Variants in CCSER1 observed in about 807,000 individuals in gnomAD.
CCSER1 encodes serine-rich coiled-coil domain-containing protein 1.
CCSER1 carries 41 observed loss-of-function variants against 82.0 expected under a neutral mutation model. The observed-to-expected ratio is 0.50, with a 90% CI of 0.39 to 0.65. The LOEUF (loss-of-function observed/expected upper bound fraction) is 0.65. CCSER1 is among the 30% of genes least tolerant of loss of function. The pLI is 0.00. For missense variants in CCSER1, 1,119 were observed against 1,064.2 expected (o/e 1.05, Z -0.72); for synonymous variants, 414 against 383.9 (o/e 1.08, Z -0.92).
At chr4:90,721,537 A>G (rs1179812984) in intron 6 of CCSER1, among the ~76,000 whole-genome samples, 2 of 151,892 alleles carry the variant, frequency 1.3e-5, no homozygotes, top group African/African-American at 4.8e-5. Flanking sequence ...ATTCTGACAG[A>G]ACATTTTATG....
chr4:90,651,785 C>T (rs1220172649), intron 6 of CCSER1, among the ~76,000 whole-genome samples: 2 of 152,052 alleles, frequency 1.3e-5, no homozygotes, highest in Non-Finnish European at 2.9e-5. Context: ...TGTCTCCTTC[C>T]AAGACAAGTT....
chr4:91,037,241 CACACACACACACACACATACAT>C (rs1051656094), intron 9 of CCSER1, among the ~76,000 whole-genome samples: 16 of 132,580 alleles, frequency 1.2e-4, no homozygotes, highest in African/African-American at 4.4e-4. Flanking sequence ...GTCACACACA[CACACACACACACACACATACAT>C]ACACACACAC....
chr4:91,476,635 C>T (rs563881701), intron 10 of CCSER1, among the ~76,000 whole-genome samples: 1 of 151,154 alleles, frequency 6.6e-6, no homozygotes, highest in Non-Finnish European at 1.5e-5. Context: ...CATCATATTA[C>T]CTGACTTCAA....
intron 10 of CCSER1, among the ~76,000 whole-genome samples, chr4:91,567,186 T>C (rs1762931950): frequency 6.6e-6 from 1 of 152,122 alleles, no homozygotes. Context: ...TGTAATCACA[T>C]GGTATTGAGC....
intron 10 of CCSER1, among the ~76,000 whole-genome samples, chr4:91,180,350 C>T (rs377281881): frequency 8.5e-5 from 13 of 152,188 alleles, no homozygotes; most frequent in East Asian, 3.9e-4. Flanking sequence ...CAGACAGGGA[C>T]GTTGAAGTCT....
At chr4:90,240,979 A>G (rs754219700) in intron 1 of CCSER1, among the ~76,000 whole-genome samples, 1 of 152,220 alleles carries the variant, frequency 6.6e-6, no homozygotes, top group African/African-American at 2.4e-5. Flanking sequence ...AAAGGAATTC[A>G]TGGTGTATCA....
chr4:90,295,260 A>T (rs1731652329), intron 1 of CCSER1, among the ~76,000 whole-genome samples: 1 of 151,960 alleles, frequency 6.6e-6, no homozygotes, highest in Non-Finnish European at 1.5e-5. Flanking sequence ...AATAATTTTA[A>T]TTTTTAAATG....
At chr4:91,310,176 CGT>C (rs1745369679) in intron 10 of CCSER1, among the ~76,000 whole-genome samples, 1 of 151,888 alleles carries the variant, frequency 6.6e-6, no homozygotes. Flanking sequence ...TGCCACATCC[CGT>C]GTTCTGCATT....
At chr4:91,104,070 G>T (rs1244963155) in intron 10 of CCSER1, among the ~76,000 whole-genome samples, 3 of 152,088 alleles carry the variant, frequency 2.0e-5, no homozygotes, top group Non-Finnish European at 4.4e-5. Context: ...CTGGTCTCCT[G>T]CAGTACCCTT....
At chr4:91,120,441 C>T (rs1176293356) in intron 10 of CCSER1, among the ~76,000 whole-genome samples, 1 of 151,872 alleles carries the variant, frequency 6.6e-6, no homozygotes, top group African/African-American at 2.4e-5. Context: ...GAGATTACTT[C>T]AGTATTACTT....
chr4:91,354,925 G>A lies in CCSER1; in HGVS notation c.2218-243647G>A, dbSNP rs191103948. On this transcript the variant is annotated intron_variant, in intron 10 of 10. Transcript: ENST00000509176. ...GTCTGAAATACTGGTTCTGGAGAGC[G>A]TATTTGAACCTCCCATTTCATTAGG... Among the ~76,000 whole-genome samples the A allele has an allele frequency of 2.2e-3, 342 of 152,268 alleles. 6 individuals carry two copies. The highest frequency in any genetic ancestry group is 2.8e-3 in the Non-Finnish European group (193 of 68,012).
chr4:91,202,929 A>T (rs1334994036), intron 10 of CCSER1, among the ~76,000 whole-genome samples: 5 of 144,918 alleles, frequency 3.5e-5, no homozygotes, highest in African/African-American at 1.3e-4. Flanking sequence ...TATGTTCTTT[A>T]AAGTATTTAA....
At chr4:90,937,554 CT>C (rs1286887062) in intron 9 of CCSER1, among the ~76,000 whole-genome samples, 2 of 151,588 alleles carry the variant, frequency 1.3e-5, no homozygotes, top group Non-Finnish European at 2.9e-5. Flanking sequence ...AGAATCCACA[CT>C]CCCCAAGCCA....
chr4:90,219,567 G>T (rs1050700597), intron 1 of CCSER1, among the ~76,000 whole-genome samples: 5 of 152,018 alleles, frequency 3.3e-5, no homozygotes, highest in African/African-American at 1.2e-4. Flanking sequence ...CTAGTCCCAA[G>T]TATATTTATC....
chr4:91,030,043 AG>A (rs1740836472), intron 9 of CCSER1, among the ~76,000 whole-genome samples: 1 of 152,160 alleles, frequency 6.6e-6, no homozygotes, highest in East Asian at 1.9e-4. Context: ...CAAGTCATAA[AG>A]GGTATAATAA....
At chr4:91,171,061 CTATT>C (rs1244313358) in intron 10 of CCSER1, among the ~76,000 whole-genome samples, 2 of 152,172 alleles carry the variant, frequency 1.3e-5, no homozygotes, top group African/African-American at 4.8e-5. Flanking sequence ...GATATCAAAT[CTATT>C]TATGTCTAGG....
chr4:90,215,392 A>G (rs1248530208), intron 1 of CCSER1, among the ~76,000 whole-genome samples: 1 of 152,220 alleles, frequency 6.6e-6, no homozygotes, highest in Non-Finnish European at 1.5e-5. Flanking sequence ...TATTGACTAC[A>G]AAAAGGATGT....
intron 10 of CCSER1, among the ~76,000 whole-genome samples, chr4:91,163,412 T>C (rs1354279720): frequency 6.6e-6 from 1 of 151,972 alleles, no homozygotes; most frequent in Non-Finnish European, 1.5e-5. Flanking sequence ...ATTCTGTTGA[T>C]TTGGGGTGGA....
intron 10 of CCSER1, among the ~76,000 whole-genome samples, chr4:91,122,719 A>T (rs1021862631): frequency 6.6e-6 from 1 of 151,326 alleles, no homozygotes; most frequent in Non-Finnish European, 1.5e-5. Context: ...TCAAAAACAA[A>T]GAATACTTTT....
Sources: gnomAD v4.1 joint callset for allele counts (sites outside exome capture counted in the v4.1 genomes callset) on GRCh38, gnomAD v4.1.1 for gene constraint, MANE v1.5 for transcripts, NCBI Gene and HGNC (gene_info 2026-07-23, HGNC 2026-07-21) for gene names.